The following GOLGA1 variants were observed in gnomAD, a reference collection of about 807,000 sequenced individuals.
GOLGA1 encodes the protein golgin subfamily A member 1.
GOLGA1 carries 63 observed loss-of-function variants against 119.7 expected under a neutral mutation model. The ratio of observed to expected loss-of-function variants is 0.53; its 90% CI spans 0.43 to 0.65. The LOEUF (loss-of-function observed/expected upper bound fraction) is 0.65. Among genes scored for constraint, GOLGA1 ranks in the 30% least tolerant of loss-of-function variants. GOLGA1 has a pLI of 0.00. For synonymous variants in GOLGA1, 318 were observed against 333.4 expected, an observed-to-expected ratio of 0.95 and a Z score of 0.50; for missense variants, 798 against 912.8, an observed-to-expected ratio of 0.87 and a Z score of 1.62.
At chr9:124,890,586 A>C in intron 15 of GOLGA1, 108 bp from the exon 16 acceptor site, 1 of 824,334 alleles carries the variant, frequency 1.2e-6, no homozygotes, top group South Asian at 1.4e-5. Flanking sequence ...AGCCAGACCA[A>C]CATGCTCCCC....
intron 19 of GOLGA1, among the ~76,000 whole-genome samples, chr9:124,884,559 C>T (rs1445790324): frequency 6.6e-6 from 1 of 152,128 alleles, no homozygotes; most frequent in East Asian, 1.9e-4. Flanking sequence ...CTGGGATAAG[C>T]TTTGTTTCCC....
Position 124,881,345 on chromosome 9 carries a change from C to G in GOLGA1, c.2137-88G>C. 1.3e-6 allele frequency: 1 copy of G among 791,894 alleles called. No individual in the cohort carries two copies. The highest frequency in any genetic ancestry group is 2.3e-6 in the Non-Finnish European group (1 of 434,050). The allele number at this position is 791,894 out of a possible 1,614,324, so 49.1% of individuals were successfully genotyped here. A position where few individuals can be genotyped will look rare whatever the true frequency, so the allele number is the denominator to read the frequency against. On this transcript the variant is annotated intron_variant, in intron 21 of 22. Transcript: ENST00000373555. The surrounding 1 kb of genome is among the most constrained non-coding windows in gnomAD (Gnocchi z 4.9). ...GGAGCTACGTGGCATTTCCTGCTTG[C>G]TTTGGTTAGCAGGACCAGGTGGTGG...
At chr9:124,926,780 G>A (rs377707967) in intron 6 of GOLGA1, 39 bp from the exon 7 acceptor site, 185 of 1,243,142 alleles carry the variant, frequency 1.5e-4, no homozygotes, top group Non-Finnish European at 2.0e-4. Context: ...TTCCAGTGAA[G>A]AGTATCTGTA....
chr9:124,936,082 G>A (rs572090633), intron 3 of GOLGA1, among the ~76,000 whole-genome samples: 1 of 152,028 alleles, frequency 6.6e-6, no homozygotes, highest in African/African-American at 2.4e-5. Flanking sequence ...CCTGAATCTG[G>A]GTCAATCTCT....
intron 19 of GOLGA1, 144 bp from the exon 20 acceptor site, chr9:124,882,713 G>T: frequency 1.5e-6 from 1 of 667,460 alleles, no homozygotes; most frequent in Non-Finnish European, 2.7e-6. Flanking sequence ...CTGGTGCTCA[G>T]CTGTCGCATG....
At chr9:124,944,348 G>C (rs1052047663), upstream of GOLGA1, 1 of 146,502 alleles carries the variant, frequency 6.8e-6, no homozygotes, top group African/African-American at 2.6e-5. Context: ...ACCCAGACTG[G>C]AGTGCAATGG....
At chr9:124,892,413 C>A (rs1433920564) in intron 15 of GOLGA1, among the ~76,000 whole-genome samples, 3 of 152,180 alleles carry the variant, frequency 2.0e-5, no homozygotes, top group Non-Finnish European at 4.4e-5. Context: ...TCCTTCCATG[C>A]ACTGCTTTAG....
chr9:124,906,123 A>C (rs1300693732), intron 12 of GOLGA1, among the ~76,000 whole-genome samples: 2 of 150,716 alleles, frequency 1.3e-5, no homozygotes, highest in Non-Finnish European at 3.0e-5. Flanking sequence ...CAAAAAATAA[A>C]TAAATAAATA....
chr9:124,921,290 T>C (rs768341880), intron 9 of GOLGA1, 50 bp from the exon 10 acceptor site: 7 of 1,022,698 alleles, frequency 6.8e-6, no homozygotes, highest in Non-Finnish European at 9.3e-6. Context: ...TCTCATCTAA[T>C]ATACAGTCTT....
chr9:124,934,972 A>T (rs577788057), intron 3 of GOLGA1, among the ~76,000 whole-genome samples: 233 of 152,292 alleles, frequency 1.5e-3, no homozygotes, highest in African/African-American at 5.2e-3. Flanking sequence ...GCTTGAGCCC[A>T]GGAGGTTAAG....
At chr9:124,922,666 A>T (rs1239715015) in intron 8 of GOLGA1, among the ~76,000 whole-genome samples, 1 of 151,990 alleles carries the variant, frequency 6.6e-6, no homozygotes, top group East Asian at 1.9e-4. Flanking sequence ...TTGGGAGGCT[A>T]AAGTGGGAGG....
At chr9:124,925,480 G>A (rs903479579) in intron 7 of GOLGA1, among the ~76,000 whole-genome samples, 2 of 151,830 alleles carry the variant, frequency 1.3e-5, no homozygotes, top group Admixed American at 6.6e-5. Context: ...ACTTTGGGAG[G>A]CCAGGCAGGA....
chr9:124,930,053 T>C (rs532622473), intron 4 of GOLGA1, among the ~76,000 whole-genome samples: 8 of 152,312 alleles, frequency 5.3e-5, no homozygotes, highest in Admixed American at 1.3e-4. Context: ...TTAAGTGCTT[T>C]GCACACAGTG....
At chr9:124,923,444 G>C (rs1830610152) in intron 7 of GOLGA1, among the ~76,000 whole-genome samples, 1 of 152,012 alleles carries the variant, frequency 6.6e-6, no homozygotes, top group Non-Finnish European at 1.5e-5. Flanking sequence ...GCCTGAAAGT[G>C]GAATTCTTAA....
chr9:124,881,689 G>C lies in GOLGA1; in HGVS notation c.2136+95C>G. 1 of 838,138 alleles carries C rather than the reference G, an allele frequency of 1.2e-6. No homozygotes were observed. Among genetic ancestry groups the C allele is most frequent in the Non-Finnish European group, 1.9e-6 (1 of 522,994 alleles). 51.9% of individuals were successfully genotyped at this position (838,138 alleles called of 1,614,324 possible). The stretch of plus-strand genomic sequence containing the variant: ...ACAAGGGCGTCAAACCAGGATGTAC[G>C]AGGAAAAGAGAGAAAGGGGCTGGGC... On this transcript the variant is annotated intron_variant, in intron 21 of 22. Transcript: ENST00000373555. This position sits in a 1 kb window ranked among gnomAD's most constrained non-coding sequence, Gnocchi z 4.9.
intron 13 of GOLGA1, 31 bp from the exon 14 acceptor site, chr9:124,899,509 G>A (rs1314923305): frequency 3.3e-6 from 5 of 1,535,372 alleles, no homozygotes; most frequent in Admixed American, 3.9e-5. Flanking sequence ...GGTCAGTCAG[G>A]GTGACAATGG....
intron 15 of GOLGA1, among the ~76,000 whole-genome samples, chr9:124,896,532 A>C: frequency 6.6e-6 from 1 of 152,272 alleles, no homozygotes; most frequent in Non-Finnish European, 1.5e-5. Flanking sequence ...ATTCCTAAAA[A>C]GTCTCCTAAA....
intron 3 of GOLGA1, among the ~76,000 whole-genome samples, chr9:124,933,606 G>C (rs1392864948): frequency 1.3e-5 from 2 of 152,084 alleles, no homozygotes; most frequent in Non-Finnish European, 2.9e-5. Flanking sequence ...GTAGAGACAG[G>C]GTTTCGCCAT....
At chr9:124,929,703 T>C (rs1162806511) in intron 4 of GOLGA1, among the ~76,000 whole-genome samples, 1 of 152,144 alleles carries the variant, frequency 6.6e-6, no homozygotes, top group Non-Finnish European at 1.5e-5. Context: ...TCCACACAAC[T>C]CAGGAACAGT....
Sources: allele counts gnomAD v4.1 joint callset (sites outside exome capture counted in the v4.1 genomes callset), GRCh38; gene constraint gnomAD v4.1.1; non-coding constraint Gnocchi (gnomAD v3.1); transcripts MANE v1.5; gene names NCBI Gene and HGNC (gene_info 2026-07-23, HGNC 2026-07-21).